The following CARMIL1 variants were observed in gnomAD, a reference collection of about 807,000 sequenced individuals.
CARMIL1 encodes the protein F-actin-uncapping protein LRRC16A.
A neutral mutation model predicts 177.1 loss-of-function variants in CARMIL1; 90 were observed. The ratio of observed to expected loss-of-function variants is 0.51; its 90% CI spans 0.43 to 0.61. The LOEUF is 0.61. Ranked by LOEUF, CARMIL1 falls within the 20% of genes least tolerant of loss-of-function variation. CARMIL1 has a pLI of 0.00. For missense variants in CARMIL1, 1,380 were observed against 1,667.0 expected, an observed-to-expected ratio of 0.83 and a Z score of 3.00; for synonymous variants, 577 against 606.2, an observed-to-expected ratio of 0.95 and a Z score of 0.71.
intron 29 of CARMIL1, among the ~76,000 whole-genome samples, chr6:25,565,706 G>C (rs757170244): frequency 6.6e-6 from 1 of 152,078 alleles, no homozygotes; most frequent in Non-Finnish European, 1.5e-5. Flanking sequence ...TTAGCTGGGC[G>C]TGATGGCACG....
At chr6:25,392,928 C>T (rs931141209) in intron 2 of CARMIL1, among the ~76,000 whole-genome samples, 1 of 151,880 alleles carries the variant, frequency 6.6e-6, no homozygotes. Context: ...CTTCCTCCCT[C>T]CTTTTTTCCC....
At chr6:25,371,966 T>G (rs181946613) in intron 2 of CARMIL1, among the ~76,000 whole-genome samples, 6 of 152,320 alleles carry the variant, frequency 3.9e-5, no homozygotes, top group Admixed American at 1.3e-4. Flanking sequence ...TTCTTATACA[T>G]GTGGCTATCC....
chr6:25,499,767 C>A (rs1392730644), intron 16 of CARMIL1, among the ~76,000 whole-genome samples: 1 of 152,156 alleles, frequency 6.6e-6, no homozygotes, highest in African/African-American at 2.4e-5. Flanking sequence ...CTTTACTTTG[C>A]GACTCTAATA....
rs1174046461 is a variant in CARMIL1, at chr6:25,465,596, T to C, written c.615-277T>C. The C allele has an allele frequency of 1.3e-5, 5 of 386,976 alleles. No individual in the cohort carries two copies. In the East Asian group the frequency reaches 2.4e-4, roughly 19 times the overall value. The allele number at this position is 386,976 out of a possible 1,614,324, so 24.0% of individuals were successfully genotyped here. ...TATTGGTATGGACTTAGAGGTAGGA[T>C]TTCTCTCAGAGCAAGGAGGTTTTTC... On this transcript the variant is annotated intron_variant, in intron 8 of 36. Coordinates refer to ENST00000329474, the MANE Select transcript of CARMIL1 (RefSeq NM_017640.6).
chr6:25,591,545 A>G (rs1814304493), intron 31 of CARMIL1, among the ~76,000 whole-genome samples: 1 of 152,204 alleles, frequency 6.6e-6, no homozygotes, highest in African/African-American at 2.4e-5. Flanking sequence ...CCAAAAGCAA[A>G]TGGGATTTTG....
chr6:25,324,417 T>C (rs1381698433), intron 2 of CARMIL1, among the ~76,000 whole-genome samples: 1 of 152,088 alleles, frequency 6.6e-6, no homozygotes, highest in Non-Finnish European at 1.5e-5. Flanking sequence ...CAAAGCTCTC[T>C]TAGATATTAA....
chr6:25,613,259 A>G (rs1380318316), intron 36 of CARMIL1, among the ~76,000 whole-genome samples: 1 of 152,242 alleles, frequency 6.6e-6, no homozygotes, highest in Non-Finnish European at 1.5e-5. Flanking sequence ...AGAGATTCTT[A>G]GAATGACAGA....
At chr6:25,419,204 C>G (rs932933613) in intron 2 of CARMIL1, among the ~76,000 whole-genome samples, 1 of 152,194 alleles carries the variant, frequency 6.6e-6, no homozygotes, top group African/African-American at 2.4e-5. Flanking sequence ...CATTCTTGAA[C>G]TAGCACATAA....
At chr6:25,366,921 G>C (rs997271848) in intron 2 of CARMIL1, among the ~76,000 whole-genome samples, 3 of 152,190 alleles carry the variant, frequency 2.0e-5, no homozygotes, top group African/African-American at 7.2e-5. Context: ...TTAACTAGCA[G>C]ATCTAGGTAA....
chr6:25,328,821 T>TA (rs556094961), intron 2 of CARMIL1, among the ~76,000 whole-genome samples: 2 of 143,116 alleles, frequency 1.4e-5, no homozygotes, highest in Non-Finnish European at 3.0e-5. Context: ...ATTAAAAATT[T>TA]AAAAAAAATG....
intron 2 of CARMIL1, among the ~76,000 whole-genome samples, chr6:25,361,330 C>A (rs1347254941): frequency 6.6e-6 from 1 of 152,002 alleles, no homozygotes; most frequent in African/African-American, 2.4e-5. Flanking sequence ...TTAGGTGAAA[C>A]TAGTTTTATC....
intron 2 of CARMIL1, among the ~76,000 whole-genome samples, chr6:25,382,874 A>G (rs182173730): frequency 1.3e-3 from 199 of 152,312 alleles, no homozygotes; most frequent in Middle Eastern, 3.4e-3. Context: ...CTCACAAGTG[A>G]TCTGCCTGCC....
chr6:25,368,900 G>C (rs1790110331), intron 2 of CARMIL1, among the ~76,000 whole-genome samples: 1 of 152,140 alleles, frequency 6.6e-6, no homozygotes. Context: ...ATGTTATATA[G>C]AATGATGTAC....
At position 25,279,634 on chromosome 6, in the gene CARMIL1, G is replaced by C. The variant is rs1165740953; in HGVS notation, c.-162G>C. 13 of 650,068 alleles carry C rather than the reference G, an allele frequency of 2.0e-5. No homozygotes were observed. Among genetic ancestry groups the C allele is most frequent in the Non-Finnish European group, 3.6e-5 (13 of 361,148 alleles). The allele number at this position is 650,068 out of a possible 1,614,324, so 40.3% of individuals were successfully genotyped here. On this transcript the variant is annotated 5_prime_UTR_variant, in exon 1 of 37. Transcript: ENST00000329474. ...CTCTTTTTTTTTTTTTTGGTGGGGCGGGGGGCGCGCGGCAAAATTCTGTCT... is the reference window on the plus strand; with the variant it reads ...CTCTTTTTTTTTTTTTTGGTGGGGCCGGGGGCGCGCGGCAAAATTCTGTCT...
intron 2 of CARMIL1, among the ~76,000 whole-genome samples, chr6:25,335,667 T>TA (rs1786137084): frequency 6.6e-6 from 1 of 152,224 alleles, no homozygotes; most frequent in African/African-American, 2.4e-5. Flanking sequence ...GAAGGGTTCT[T>TA]ACAGTCCATT....
chr6:25,563,948 T>C, intron 29 of CARMIL1: 3 of 830,614 alleles, frequency 3.6e-6, no homozygotes, highest in Non-Finnish European at 4.4e-6. Context: ...AGTATAATGG[T>C]TGCAACCAGG....
At chr6:25,413,601 T>C (rs1196430933) in intron 2 of CARMIL1, among the ~76,000 whole-genome samples, 1 of 152,164 alleles carries the variant, frequency 6.6e-6, no homozygotes, top group Non-Finnish European at 1.5e-5. Flanking sequence ...AAGTTAAAAG[T>C]TGAACCAAGA....
intron 2 of CARMIL1, among the ~76,000 whole-genome samples, chr6:25,286,362 C>T (rs1044292437): frequency 3.3e-5 from 5 of 152,176 alleles, no homozygotes; most frequent in Admixed American, 3.3e-4. Flanking sequence ...TCTATATATA[C>T]AAGTCGGGAT....
chr6:25,284,808 T>C lies in CARMIL1; in HGVS notation c.41-4T>C, dbSNP rs776008444. On this transcript the variant is annotated splice_polypyrimidine_tract_variant and splice_region_variant and intron_variant, in intron 1 of 36. Coordinates refer to ENST00000329474, the MANE Select transcript of CARMIL1 (RefSeq NM_017640.6). ...TTAATAACATAATTCCTTTTTTTTT[T>C]CAGAAAGCATAAAGGATGTTATTGG... 281 of 1,473,830 alleles carry C rather than the reference T, an allele frequency of 1.9e-4. No homozygotes were observed. The highest frequency in any genetic ancestry group is 2.4e-4 in the Non-Finnish European group (261 of 1,078,924). 91.3% of individuals were successfully genotyped at this position (1,473,830 alleles called of 1,614,324 possible).
Sources: allele counts gnomAD v4.1 joint callset (sites outside exome capture counted in the v4.1 genomes callset), GRCh38; gene constraint gnomAD v4.1.1; transcripts MANE v1.5; gene names NCBI Gene and HGNC (gene_info 2026-07-23, HGNC 2026-07-21).